HERC2: variants seen among roughly 807,000 people sequenced by gnomAD.
The protein encoded by HERC2 is HECT and RLD domain containing E3 ubiquitin protein ligase 2.
In HERC2, 102 loss-of-function variants were observed where a neutral mutation model predicts 537.7. The observed-to-expected ratio is 0.19, with a 90% confidence interval of 0.16 to 0.22. HERC2 has a LOEUF of 0.22. HERC2 is among the 10% of genes least tolerant of loss of function. HERC2 has a pLI of 1.00. For missense variants in HERC2, 4,236 were observed against 6,198.2 expected (o/e 0.68, Z 10.63); for synonymous variants, 2,224 against 2,466.2 (o/e 0.90, Z 2.91).
intron 84 of HERC2, 142 bp downstream of exon 84, chr15:28,124,864 T>A (rs925207704): frequency 1.2e-6 from 1 of 866,534 alleles, no homozygotes; most frequent in Non-Finnish European, 1.7e-6. Flanking sequence ...ATCAAGGTTC[T>A]TAAATGCACT....
intron 67 of HERC2, among the ~76,000 whole-genome samples, chr15:28,168,087 C>A (rs1161961000): frequency 6.6e-6 from 1 of 152,182 alleles, no homozygotes; most frequent in African/African-American, 2.4e-5. Context: ...ATGAACCAGA[C>A]TAAAATGAGT....
intron 72 of HERC2, 110 bp from the exon 73 acceptor site, chr15:28,144,345 AACAGCTGGTG>A (rs1433442292): frequency 8.6e-7 from 1 of 1,161,136 alleles, no homozygotes; most frequent in Non-Finnish European, 1.2e-6. Context: ...ACCAGAAGGC[AACAGCTGGTG>A]TGCCCACGCA....
At chr15:28,222,903 T>C (rs1211051193) in intron 35 of HERC2, among the ~76,000 whole-genome samples, 1 of 152,228 alleles carries the variant, frequency 6.6e-6, no homozygotes, top group Non-Finnish European at 1.5e-5. Context: ...CACAGCTCAG[T>C]GCCAGGGCAG....
At chr15:28,184,024 C>T (rs1896066806) in intron 56 of HERC2, among the ~76,000 whole-genome samples, 1 of 151,172 alleles carries the variant, frequency 6.6e-6, no homozygotes, top group Non-Finnish European at 1.5e-5. Context: ...CTCATTTCTA[C>T]AAAAAAAATA....
chr15:28,286,485 A>AT (rs1251098512), intron 4 of HERC2, among the ~76,000 whole-genome samples: 1 of 152,196 alleles, frequency 6.6e-6, no homozygotes, highest in East Asian at 1.9e-4. Context: ...AACCCACCCT[A>AT]TTAATAGGCT....
intron 44 of HERC2, among the ~76,000 whole-genome samples, chr15:28,210,270 A>G (rs1899031725): frequency 6.6e-6 from 1 of 152,076 alleles, no homozygotes; most frequent in African/African-American, 2.4e-5. Context: ...AGTAGCTAGA[A>G]CTACAGGCGT....
intron 65 of HERC2, among the ~76,000 whole-genome samples, chr15:28,169,950 A>G (rs773655072): frequency 6.6e-6 from 1 of 152,270 alleles, no homozygotes; most frequent in Non-Finnish European, 1.5e-5. Context: ...TGAAAATGCT[A>G]CAATAACTAC....
chr15:28,189,164 G>A (rs534319439), intron 55 of HERC2, among the ~76,000 whole-genome samples: 2 of 152,286 alleles, frequency 1.3e-5, no homozygotes, highest in Admixed American at 1.3e-4. Context: ...GGCTCCACAG[G>A]AATGGTACAG....
chr15:28,253,297 A>C (rs2075143438), intron 20 of HERC2, among the ~76,000 whole-genome samples: 1 of 152,172 alleles, frequency 6.6e-6, no homozygotes, highest in Non-Finnish European at 1.5e-5. Context: ...TTTCACATTG[A>C]CTTTAGTTTT....
intron 29 of HERC2, 26 bp downstream of exon 29, chr15:28,233,408 G>A (rs1902088178): frequency 7.7e-7 from 1 of 1,294,208 alleles, no homozygotes. Flanking sequence ...GCAAAGCACA[G>A]AATAAAAAGA....
At position 28,179,336 on chromosome 15, in the gene HERC2, C is replaced by T. The variant is rs141881243; in HGVS notation, c.8938-113G>A. The T allele has an allele frequency of 4.8e-5, 39 of 804,892 alleles. No homozygotes were observed. The East Asian group carries it at 1.0e-3, about 21-fold the overall frequency. The allele number at this position is 804,892 out of a possible 1,614,324, so 49.9% of individuals were successfully genotyped here. A position where few individuals can be genotyped will look rare whatever the true frequency, so the allele number is the denominator to read the frequency against. ...GGAATTACAGTTATGCACTGTGTAA[C>T]ATTTCACTCAACCACAGGCTACATA... is the stretch of plus-strand genomic sequence containing the variant. On this transcript the variant is annotated intron_variant, in intron 57 of 92. Transcript: ENST00000261609.
intron 35 of HERC2, among the ~76,000 whole-genome samples, chr15:28,223,914 T>G (rs1248053773): frequency 6.6e-6 from 1 of 151,980 alleles, no homozygotes; most frequent in East Asian, 1.9e-4. Context: ...ATTTGTGCTG[T>G]GATTGTTACT....
chr15:28,234,680 TGCAACA>T, intron 26 of HERC2, among the ~76,000 whole-genome samples: 1 of 149,864 alleles, frequency 6.7e-6, no homozygotes, highest in Non-Finnish European at 1.5e-5. Flanking sequence ...TCCGAAACTG[TGCAACA>T]GATGACTATG....
intron 69 of HERC2, among the ~76,000 whole-genome samples, chr15:28,162,870 G>A (rs1418811313): frequency 1.3e-5 from 2 of 152,192 alleles, no homozygotes; most frequent in Admixed American, 6.5e-5. Flanking sequence ...TAGCCTGGGC[G>A]ACAGAGCGAG....
chr15:28,180,143 T>G (rs1406456077), intron 57 of HERC2, among the ~76,000 whole-genome samples: 3 of 152,200 alleles, frequency 2.0e-5, no homozygotes, highest in African/African-American at 7.2e-5. Context: ...ATGCAGGTGT[T>G]CCATGTTTTA....
intron 83 of HERC2, among the ~76,000 whole-genome samples, chr15:28,127,768 G>A (rs749848043): frequency 6.6e-6 from 1 of 152,088 alleles, no homozygotes; most frequent in African/African-American, 2.4e-5. Context: ...ACACAAAAAG[G>A]GGGCAGAGCC....
chr15:28,230,265 C>T (rs569832150), intron 31 of HERC2, 102 bp downstream of exon 31: 189 of 1,181,768 alleles, frequency 1.6e-4, no homozygotes, highest in Non-Finnish European at 2.2e-4. Flanking sequence ...TTCTAACAAC[C>T]GCCCGTCCCT....
In HERC2 at chr15:28,268,709, C is replaced by G. The variant is rs1408599683; in HGVS notation, c.1447-93G>C. On this transcript the variant is annotated intron_variant, in intron 11 of 92. Coordinates refer to ENST00000261609, the MANE Select transcript of HERC2 (RefSeq NM_004667.6). The surrounding 1 kb of genome is among the most constrained non-coding windows in gnomAD (Gnocchi z 4.7). ...CGTTATCATGTATCCCCAAGCAAAG[C>G]CTGCTGTAACTCCAAGTGGGGCATA... 4 of 1,045,252 alleles carry G rather than the reference C, an allele frequency of 3.8e-6. No individual in the cohort carries two copies. The highest frequency in any genetic ancestry group is 5.6e-6 in the Non-Finnish European group (4 of 709,898). 64.7% of individuals were successfully genotyped at this position (1,045,252 alleles called of 1,614,324 possible). A position where few individuals can be genotyped will look rare whatever the true frequency, so the allele number is the denominator to read the frequency against.
rs754510079 is a variant in HERC2 at position 28,248,510 on chromosome 15, C to A, written c.3235+42G>T. 9 of 1,500,742 alleles carry A rather than the reference C, an allele frequency of 6.0e-6. 1 individual carries two copies. In the South Asian group the frequency reaches 1.0e-4, roughly 17 times the overall value. The allele number at this position is 1,500,742 out of a possible 1,614,324, so 93.0% of individuals were successfully genotyped here. ...CGTCGAAAAGCCTAAAGTAACGAGC[C>A]CCGATCACATACAAGACACTTTCAC... On this transcript the variant is annotated intron_variant, in intron 21 of 92. Transcript: ENST00000261609.
Sources: allele counts gnomAD v4.1 joint callset (sites outside exome capture counted in the v4.1 genomes callset), GRCh38; gene constraint gnomAD v4.1.1; non-coding constraint Gnocchi (gnomAD v3.1); transcripts MANE v1.5; gene names NCBI Gene and HGNC (gene_info 2026-07-23, HGNC 2026-07-21).